KDM7A: variants seen among roughly 807,000 people sequenced by gnomAD.
KDM7A encodes lysine demethylase 7A, also known as lysine-specific demethylase 7A.
A neutral mutation model predicts 114.8 loss-of-function variants in KDM7A; 28 were observed. The observed-to-expected ratio is 0.24, with a 90% CI of 0.18 to 0.33. The LOEUF (loss-of-function observed/expected upper bound fraction) is 0.33. KDM7A is among the 10% of genes least tolerant of loss of function. The pLI is 1.00. For missense variants in KDM7A, 942 were observed against 1,142.5 expected (o/e 0.82, Z 2.53); for synonymous variants, 423 against 397.8 (o/e 1.06, Z -0.75).
intron 10 of KDM7A, among the ~76,000 whole-genome samples, chr7:140,112,964 T>C (rs1219459225): frequency 6.6e-6 from 1 of 152,224 alleles, no homozygotes; most frequent in African/African-American, 2.4e-5. Context: ...CCTTCACTTT[T>C]ACATAAATCT....
chr7:140,100,100 A>G (rs1818177343), intron 12 of KDM7A, 77 bp from the exon 13 acceptor site: 6 of 1,473,026 alleles, frequency 4.1e-6, no homozygotes, highest in Non-Finnish European at 5.7e-6. Flanking sequence ...ACAGTATACC[A>G]CCACCTCCCC....
chr7:140,114,849 G>A (rs1437273155), intron 9 of KDM7A, among the ~76,000 whole-genome samples: 8 of 145,640 alleles, frequency 5.5e-5, no homozygotes, highest in East Asian at 2.1e-4. Context: ...GAGCCCCTCC[G>A]CCCGGCAGCC....
intron 1 of KDM7A, among the ~76,000 whole-genome samples, chr7:140,146,781 T>C (rs1390365340): frequency 6.6e-6 from 1 of 152,218 alleles, no homozygotes; most frequent in African/African-American, 2.4e-5. Context: ...CTTAATCTTC[T>C]GAAATTGTTG....
chr7:140,120,478 T>G lies in KDM7A; in HGVS notation c.1103A>C (p.Asn368Thr). 2 of 1,613,066 alleles carry G rather than the reference T, an allele frequency of 1.2e-6. No homozygotes were observed. The highest frequency in any genetic ancestry group is 1.7e-6 in the Non-Finnish European group (2 of 1,179,210). ...GCCAATGTTAAGGTTGTGCAGGAAG[T>G]TCCCCCCAAAAGCCATACAGTCCTG... ...TSQDCMAFGGNFLHNLNIGMQ... is the reference protein window; with the variant it reads ...TSQDCMAFGGTFLHNLNIGMQ... Residue 368 changes from asparagine to threonine, a missense_variant, in exon 8 of 20, where the codon AAC (asparagine) becomes ACC (threonine). Coordinates refer to ENST00000397560, the MANE Select transcript of KDM7A (RefSeq NM_030647.2).
chr7:140,119,262 T>C (rs1331815281), intron 8 of KDM7A, 43 bp from the exon 9 acceptor site: 5 of 1,134,654 alleles, frequency 4.4e-6, no homozygotes, highest in Non-Finnish European at 6.4e-6. Flanking sequence ...TATTAGAATT[T>C]CAAAGTTAGA....
chr7:140,168,331 C>T (rs1794600581), intron 1 of KDM7A, among the ~76,000 whole-genome samples: 1 of 152,028 alleles, frequency 6.6e-6, no homozygotes, highest in Non-Finnish European at 1.5e-5. Flanking sequence ...TTTGGAAGGC[C>T]AAGGTGGGCA....
At chr7:140,150,419 A>G (rs1794385888) in intron 1 of KDM7A, among the ~76,000 whole-genome samples, 1 of 152,228 alleles carries the variant, frequency 6.6e-6, no homozygotes, top group Non-Finnish European at 1.5e-5. Context: ...GCTATGCATT[A>G]GAATCCCCTA....
chr7:140,142,213 C>A (rs1050438840), intron 1 of KDM7A, among the ~76,000 whole-genome samples: 1 of 151,064 alleles, frequency 6.6e-6, no homozygotes, highest in South Asian at 2.1e-4. Context: ...ATCTTTATGA[C>A]TTTATGACAG....
chr7:140,139,979 C>G (rs538326545), intron 1 of KDM7A, among the ~76,000 whole-genome samples: 2 of 152,272 alleles, frequency 1.3e-5, no homozygotes, highest in East Asian at 3.9e-4. Context: ...TGAACGATCA[C>G]TTAGTAATTT....
At chr7:140,100,186 C>G (rs1276074502) in intron 12 of KDM7A, among the ~76,000 whole-genome samples, 163 bp from the exon 13 acceptor site, 2 of 152,202 alleles carry the variant, frequency 1.3e-5, no homozygotes, top group Non-Finnish European at 2.9e-5. Context: ...TCCAGAGTTC[C>G]TAAAGCCAAA....
At position 140,176,578 on chromosome 7, in the gene KDM7A, G is replaced by A. The variant is rs951198119; in HGVS notation, c.194+166C>T. On this transcript the variant is annotated intron_variant, in intron 1 of 19. Transcript: ENST00000397560. The surrounding 1 kb of genome is among the most constrained non-coding windows in gnomAD (Gnocchi z 4.4). Reference sequence around the variant, plus strand: ...TCTGGAGCCCGCCCGGCGAACCCGGGGCACCGCGCGCCCCACTGCCCGGCC... The same window carrying A: ...TCTGGAGCCCGCCCGGCGAACCCGGAGCACCGCGCGCCCCACTGCCCGGCC... 2.0e-5 allele frequency among the ~76,000 whole-genome samples: 3 copies of A among 146,498 alleles called. No individual in the cohort carries two copies. Among genetic ancestry groups the A allele is most frequent in the Admixed American group, 6.8e-5 (1 of 14,776 alleles).
At chr7:140,102,434 G>C (rs1818246397) in intron 11 of KDM7A, among the ~76,000 whole-genome samples, 1 of 151,282 alleles carries the variant, frequency 6.6e-6, no homozygotes, top group African/African-American at 2.4e-5. Context: ...AGTGTGTGGA[G>C]TGCAGTGGTG....
chr7:140,171,569 T>A (rs1237113735), intron 1 of KDM7A, among the ~76,000 whole-genome samples: 1 of 110,272 alleles, frequency 9.1e-6, no homozygotes, highest in Admixed American at 9.2e-5. Flanking sequence ...TTTTATATAT[T>A]TATATATATA....
At chr7:140,147,967 A>T (rs1794356795) in intron 1 of KDM7A, among the ~76,000 whole-genome samples, 1 of 152,220 alleles carries the variant, frequency 6.6e-6, no homozygotes, top group Admixed American at 6.5e-5. Context: ...GTATGTCAGT[A>T]TGTAAAGCAT....
chr7:140,162,759 A>C lies in KDM7A; in HGVS notation c.194+13985T>G, dbSNP rs142078557. 3.2e-4 allele frequency among the ~76,000 whole-genome samples: 48 copies of C among 152,320 alleles called. 2 individuals are homozygous for C. The East Asian group carries it at 6.9e-3, about 22-fold the overall frequency. ...ATACCCAAATGCTCGCCAAGAATAA[A>C]GATAAACATACACACAAAAATATAT... On this transcript the variant is annotated intron_variant, in intron 1 of 19. Coordinates refer to ENST00000397560, the MANE Select transcript of KDM7A (RefSeq NM_030647.2).
intron 17 of KDM7A, 56 bp from the exon 18 acceptor site, chr7:140,094,194 A>G: frequency 9.6e-7 from 1 of 1,045,546 alleles, no homozygotes; most frequent in Admixed American, 1.7e-5. Context: ...GAAATGACAA[A>G]ATTAGCCTAA....
At chr7:140,142,673 T>C (rs1200358791) in intron 1 of KDM7A, among the ~76,000 whole-genome samples, 3 of 152,134 alleles carry the variant, frequency 2.0e-5, no homozygotes. Context: ...GATACAGCCA[T>C]TGTGGAAAAC....
intron 1 of KDM7A, among the ~76,000 whole-genome samples, chr7:140,171,586 T>TTA (rs57491772): frequency 1.4e-5 from 2 of 146,106 alleles, no homozygotes; most frequent in Non-Finnish European, 3.0e-5. Context: ...TATATATTTT[T>TTA]ATATAGTTGT....
At chr7:140,115,137 C>G (rs559390176) in intron 9 of KDM7A, among the ~76,000 whole-genome samples, 130 of 151,120 alleles carry the variant, frequency 8.6e-4, no homozygotes, top group African/African-American at 3.1e-3. Flanking sequence ...TTGGGGCCAG[C>G]CCCCGGCCAG....
Sources: allele counts gnomAD v4.1 joint callset (sites outside exome capture counted in the v4.1 genomes callset), GRCh38; gene constraint gnomAD v4.1.1; non-coding constraint Gnocchi (gnomAD v3.1); transcripts MANE v1.5; gene names NCBI Gene and HGNC (gene_info 2026-07-23, HGNC 2026-07-21).